RREB1: variants seen among roughly 807,000 people sequenced by gnomAD.
RREB1 encodes the protein ras-responsive element-binding protein 1.
RREB1 carries 27 observed loss-of-function variants against 117.8 expected under a neutral mutation model. The observed-to-expected ratio is 0.23, with a 90% confidence interval of 0.17 to 0.32. The LOEUF (loss-of-function observed/expected upper bound fraction) is 0.32. RREB1 is among the 10% of genes least tolerant of loss of function. The probability of loss-of-function intolerance (pLI) is 1.00; values close to 1 mark genes in which losing one functional copy is unlikely to be tolerated. For synonymous variants in RREB1, 1,298 were observed against 1,026.7 expected (o/e 1.26, Z -5.05); for missense variants, 2,577 against 2,378.2 (o/e 1.08, Z -1.74).
At chr6:7,118,138 T>G (rs1246674092) in intron 1 of RREB1, among the ~76,000 whole-genome samples, 1 of 152,212 alleles carries the variant, frequency 6.6e-6, no homozygotes, top group Admixed American at 6.5e-5. Flanking sequence ...GTTTTCTTTT[T>G]GAGACAGAGT....
At chr6:7,162,444 C>G (rs1561753358) in intron 1 of RREB1, among the ~76,000 whole-genome samples, 1 of 152,182 alleles carries the variant, frequency 6.6e-6, no homozygotes, top group Non-Finnish European at 1.5e-5. Flanking sequence ...GTGCTTACCT[C>G]TGGTGAGCCA....
At chr6:7,219,983 G>C (rs954594759) in intron 8 of RREB1, among the ~76,000 whole-genome samples, 1 of 152,168 alleles carries the variant, frequency 6.6e-6, no homozygotes, top group Non-Finnish European at 1.5e-5. Context: ...CTTCACCTCT[G>C]CTGTTCCAGG....
chr6:7,180,303 A>G (rs547945344), intron 2 of RREB1, among the ~76,000 whole-genome samples: 3 of 152,290 alleles, frequency 2.0e-5, no homozygotes, highest in Non-Finnish European at 2.9e-5. Flanking sequence ...GGGTGGTACC[A>G]TTTCTCATAT....
intron 11 of RREB1, among the ~76,000 whole-genome samples, chr6:7,243,702 A>G (rs1356694420): frequency 6.6e-6 from 1 of 152,210 alleles, no homozygotes; most frequent in African/African-American, 2.4e-5. Flanking sequence ...CCTGTGTCCA[A>G]AGAGGGAGTT....
intron 6 of RREB1, among the ~76,000 whole-genome samples, chr6:7,191,163 T>C (rs986920392): frequency 6.6e-6 from 1 of 152,240 alleles, no homozygotes; most frequent in Admixed American, 6.5e-5. Context: ...TTGCTGAAAC[T>C]GTGGTGCTCT....
intron 1 of RREB1, among the ~76,000 whole-genome samples, chr6:7,129,906 C>T (rs1762081722): frequency 6.6e-6 from 1 of 152,170 alleles, no homozygotes; most frequent in African/African-American, 2.4e-5. Context: ...TATACCAAGA[C>T]CTCTGGTTTA....
intron 1 of RREB1, among the ~76,000 whole-genome samples, chr6:7,128,623 A>G (rs1762029795): frequency 6.6e-6 from 1 of 151,644 alleles, no homozygotes; most frequent in Middle Eastern, 3.2e-3. Context: ...GTTCTTTTAG[A>G]TAATCTCAAT....
chr6:7,110,851 G>C (rs1761107222), intron 1 of RREB1, among the ~76,000 whole-genome samples: 1 of 152,144 alleles, frequency 6.6e-6, no homozygotes, highest in Non-Finnish European at 1.5e-5. Flanking sequence ...TTACCGTTTT[G>C]TGGAATATCA....
intron 11 of RREB1, among the ~76,000 whole-genome samples, chr6:7,242,700 A>AGGGG (rs77140508): frequency 6.0e-4 from 81 of 134,798 alleles, no homozygotes; most frequent in Middle Eastern, 3.8e-3. Flanking sequence ...CTTAAAAAAA[A>AGGGG]GGGGGGGGGG....
chr6:7,150,926 G>A (rs1318289384), intron 1 of RREB1, among the ~76,000 whole-genome samples: 12 of 152,242 alleles, frequency 7.9e-5, no homozygotes, highest in Admixed American at 7.2e-4. Flanking sequence ...GAGCCAGGAG[G>A]TGCAGTGAGC....
Position 7,247,109 on chromosome 6 carries a change from C to T in RREB1, c.4659C>T (p.Asp1553=). Residue 1553 remains aspartate (D), a synonymous_variant, in exon 12 of 13, where the codon GAC becomes GAT. Coordinates refer to ENST00000379938, the MANE Select transcript of RREB1 (RefSeq NM_001003699.4). ...ACGATGACAAGAAACCAAAGACAGACTCCCCCAAAAGCGTGGCCAGCAAGG... is the reference window on the plus strand; with the variant it reads ...ACGATGACAAGAAACCAAAGACAGATTCCCCCAAAAGCGTGGCCAGCAAGG... ...KSDDDKKPKT[D]SPKSVASKAD... The T allele has an allele frequency of 6.2e-7, 1 of 1,613,896 alleles. No individual in the cohort carries two copies. The highest frequency in any genetic ancestry group is 1.1e-5 in the South Asian group (1 of 91,076).
At chr6:7,171,572 C>A (rs1764210275) in intron 1 of RREB1, among the ~76,000 whole-genome samples, 1 of 152,218 alleles carries the variant, frequency 6.6e-6, no homozygotes, top group South Asian at 2.1e-4. Flanking sequence ...GACTCAGTCC[C>A]TCTCAACCTT....
intron 6 of RREB1, among the ~76,000 whole-genome samples, chr6:7,192,268 C>T (rs7765018): frequency 0.13 from 20,210 of 151,694 alleles, 1,601 homozygotes; most frequent in African/African-American, 0.21. Flanking sequence ...TCTCGGCTCA[C>T]GGCAACCTGC....
At position 7,173,005 on chromosome 6, in the gene RREB1, C is replaced by G. The variant is rs999677855; in HGVS notation, c.-284-3650C>G. 2.0e-5 allele frequency among the ~76,000 whole-genome samples: 3 copies of G among 152,148 alleles called. No homozygotes were observed. The South Asian group carries it at 6.2e-4, about 32-fold the overall frequency. Reference sequence around the variant, plus strand: ...GGCTCAGACCATTTTAGTGTCTGATCTCTTAACTAAAACTTGTAGCCTGTC... The same window carrying G: ...GGCTCAGACCATTTTAGTGTCTGATGTCTTAACTAAAACTTGTAGCCTGTC... On this transcript the variant is annotated intron_variant, in intron 1 of 12. Transcript: ENST00000379938.
At chr6:7,145,880 G>A (rs75315778) in intron 1 of RREB1, among the ~76,000 whole-genome samples, 5,307 of 151,904 alleles carry the variant, frequency 0.035, 254 homozygotes, top group African/African-American at 0.1. Flanking sequence ...GAAGAAAGGG[G>A]TTGCTGTTTG....
chr6:7,217,431 T>C (rs34884023), intron 8 of RREB1: 21,902 of 152,050 alleles, frequency 0.14, 1,853 homozygotes, highest in African/African-American at 0.22. Flanking sequence ...GAGCAGGGAG[T>C]GTCAGCATTA....
At position 7,248,506 on chromosome 6, in the gene RREB1, TC is replaced by T. The variant is rs1769246346; in HGVS notation, c.4772-3del. ...TAATGGAAATTCTTTCTTCCATTGTTCCAGGGGAAAGGCCATACAAATGTCA... is the reference window on the plus strand; with the variant it reads ...TAATGGAAATTCTTTCTTCCATTGTTCAGGGGAAAGGCCATACAAATGTCA... On this transcript the variant is annotated splice_polypyrimidine_tract_variant and splice_region_variant and intron_variant, in intron 12 of 12. Coordinates refer to ENST00000379938, the MANE Select transcript of RREB1 (RefSeq NM_001003699.4). 2 of 1,613,390 alleles carry T rather than the reference TC, an allele frequency of 1.2e-6. No homozygotes were observed. The highest frequency in any genetic ancestry group is 1.7e-6 in the Non-Finnish European group (2 of 1,179,430).
chr6:7,178,416 A>C (rs1202678612), intron 2 of RREB1, among the ~76,000 whole-genome samples: 1 of 152,186 alleles, frequency 6.6e-6, no homozygotes, highest in Non-Finnish European at 1.5e-5. Context: ...AGGACCAACT[A>C]ATACTGGCCA....
At chr6:7,233,785 G>A (rs963857428) in intron 10 of RREB1, among the ~76,000 whole-genome samples, 5 of 152,178 alleles carry the variant, frequency 3.3e-5, no homozygotes, top group Non-Finnish European at 7.3e-5. Context: ...GGAGAAGCTC[G>A]TGGAAGGATG....
Sources: gnomAD v4.1 joint callset for allele counts (sites outside exome capture counted in the v4.1 genomes callset) on GRCh38, gnomAD v4.1.1 for gene constraint, MANE v1.5 for transcripts, NCBI Gene and HGNC (gene_info 2026-07-23, HGNC 2026-07-21) for gene names.